The following NRXN3 variants were observed in gnomAD, a reference collection of about 807,000 sequenced individuals.
NRXN3 encodes neurexin III.
Under a neutral mutation model 137.6 loss-of-function variants are expected in NRXN3, and 32 were observed. The ratio of observed to expected loss-of-function variants is 0.23; its 90% CI spans 0.18 to 0.31. The LOEUF (loss-of-function observed/expected upper bound fraction) is 0.31. Among genes scored for constraint, NRXN3 ranks in the 10% least tolerant of loss-of-function variants. The probability of loss-of-function intolerance (pLI) is 1.00; values close to 1 mark genes in which losing one functional copy is unlikely to be tolerated. For synonymous variants in NRXN3, 798 were observed against 784.5 expected (o/e 1.02, Z -0.29); for missense variants, 1,574 against 2,062.5 (o/e 0.76, Z 4.59).
chr14:78,288,460 G>A (rs1028256), intron 3 of NRXN3, among the ~76,000 whole-genome samples: 2,561 of 152,278 alleles, frequency 0.017, 39 homozygotes, highest in Middle Eastern at 0.031. Context: ...GACTTGTGCA[G>A]TTGGTTTATT....
At position 79,805,195 on chromosome 14, in the gene NRXN3, G is replaced by A. The variant is rs140280209; in HGVS notation, c.4093+5G>A. 21 of 1,612,070 alleles carry A rather than the reference G, an allele frequency of 1.3e-5. No individual in the cohort carries two copies. Among genetic ancestry groups the A allele is most frequent in the Non-Finnish European group, 1.5e-5 (18 of 1,178,592 alleles). On this transcript the variant is annotated splice_donor_5th_base_variant and intron_variant, in intron 20 of 20. Transcript: ENST00000335750. ...TTGAATGTGAGCCGAGTACAGGTAG[G>A]TCAGGTCAGTCTTATTTTGCTTGCT...
chr14:79,743,451 C>T (rs969166107), intron 19 of NRXN3, among the ~76,000 whole-genome samples: 2 of 152,196 alleles, frequency 1.3e-5, no homozygotes, highest in African/African-American at 2.4e-5. Flanking sequence ...AATAACTTCT[C>T]AAGTGACTGT....
At chr14:78,613,742 G>GGGACAGAAGTACCCCAAGGAA (rs2097322021) in intron 4 of NRXN3, among the ~76,000 whole-genome samples, 1 of 151,850 alleles carries the variant, frequency 6.6e-6, no homozygotes, top group African/African-American at 2.4e-5. Context: ...AAATAAAGCC[G>GGGACAGAAGTACCCCAAGGAA]GGACAGAAGT....
rs562643725 is a variant in NRXN3 at position 78,541,622 on chromosome 14, C to T, written c.758-103498C>T. Among the ~76,000 whole-genome samples the T allele has an allele frequency of 5.3e-5, 8 of 152,298 alleles. No homozygotes were observed. The East Asian group carries it at 1.5e-3, about 29-fold the overall frequency. ...CTTCTGAAGCCTACTTCTGTCAACT[C>T]GTCAAAGTCATTCTCCATCCAGCTT... On this transcript the variant is annotated intron_variant, in intron 4 of 20. Transcript: ENST00000335750.
At chr14:78,367,856 AACAAAGCTG>A (rs1328009187) in intron 4 of NRXN3, among the ~76,000 whole-genome samples, 1 of 152,212 alleles carries the variant, frequency 6.6e-6, no homozygotes, top group Non-Finnish European at 1.5e-5. Flanking sequence ...TGATAATGTA[AACAAAGCTG>A]TGGGAGAAAG....
chr14:78,317,642 C>T (rs1257001613), intron 4 of NRXN3, among the ~76,000 whole-genome samples: 3 of 152,120 alleles, frequency 2.0e-5, no homozygotes, highest in Non-Finnish European at 2.9e-5. Context: ...TTGGGGAGGG[C>T]AATTTGCTTC....
At chr14:79,616,863 A>G (rs2098162115) in intron 16 of NRXN3, among the ~76,000 whole-genome samples, 1 of 152,202 alleles carries the variant, frequency 6.6e-6, no homozygotes, top group South Asian at 2.1e-4. Context: ...AGTAAAGTCT[A>G]GAGAAATTGG....
chr14:78,882,225 G>A (rs987791503), intron 10 of NRXN3, among the ~76,000 whole-genome samples: 4 of 151,830 alleles, frequency 2.6e-5, no homozygotes, highest in African/African-American at 9.7e-5. Context: ...CTAGGGCAGT[G>A]CAGAAGGGAA....
rs2061235278 is a variant in NRXN3, at chr14:79,165,839, A to G, written c.3262+177698A>G. On this transcript the variant is annotated intron_variant, in intron 15 of 20. Transcript: ENST00000335750. ...CCTTCCCTCCTGACCATAACTGGTT[A>G]TATAATCTTGCATCTTCTATTACCC... is the stretch of plus-strand genomic sequence containing the variant. Among the ~76,000 whole-genome samples, 3 of 152,144 alleles carry G rather than the reference A, an allele frequency of 2.0e-5. No homozygotes were observed. In the South Asian group the frequency reaches 6.2e-4, roughly 32 times the overall value.
At position 78,230,328 on chromosome 14, in the gene NRXN3, G is replaced by GTCTC. The variant is rs112795410; in HGVS notation, c.-703-12043_-703-12040dup. Among the ~76,000 whole-genome samples, 908 of 148,812 alleles carry GTCTC rather than the reference G, an allele frequency of 6.1e-3. 14 individuals carry two copies. Among genetic ancestry groups the GTCTC allele is most frequent in the African/African-American group, 0.02 (818 of 40,552 alleles). ...TCTGTCTCTGTCTCTGTCTCTGTCT[G>GTCTC]TCTCTCTCTCTCTCTCTCTCTCTGG... On this transcript the variant is annotated intron_variant, in intron 1 of 20. Coordinates refer to ENST00000335750, the MANE Select transcript of NRXN3 (RefSeq NM_001330195.2).
intron 4 of NRXN3, among the ~76,000 whole-genome samples, chr14:78,535,631 G>C (rs1025431794): frequency 6.6e-6 from 1 of 152,188 alleles, no homozygotes; most frequent in African/African-American, 2.4e-5. Context: ...AGGAGGAAAA[G>C]ACTAAAAAGT....
intron 15 of NRXN3, among the ~76,000 whole-genome samples, chr14:79,334,234 GAAAAAAATAAAGTAGAATGAGGTGCTAT>G (rs1231217080): frequency 6.6e-6 from 1 of 152,082 alleles, no homozygotes; most frequent in Admixed American, 6.6e-5. Context: ...ATGGTGCTAT[GAAAAAAATAAAGTAGAATGAGGTGCTAT>G]AAAAAAATAA....
At chr14:79,259,471 G>A (rs887713052) in intron 15 of NRXN3, among the ~76,000 whole-genome samples, 20 of 151,300 alleles carry the variant, frequency 1.3e-4, no homozygotes, top group African/African-American at 4.4e-4. Context: ...TGCAGGGAAC[G>A]TCAACGTGGT....
chr14:78,290,222 C>T (rs2075666310), intron 3 of NRXN3, among the ~76,000 whole-genome samples: 1 of 152,188 alleles, frequency 6.6e-6, no homozygotes, highest in African/African-American at 2.4e-5. Flanking sequence ...CCAAAATTTA[C>T]ATTTAGCCCT....
chr14:79,536,244 T>A (rs1044833561), intron 16 of NRXN3, among the ~76,000 whole-genome samples: 2 of 152,028 alleles, frequency 1.3e-5, no homozygotes, highest in African/African-American at 4.8e-5. Flanking sequence ...GAAAGAGGAG[T>A]ACACAGAGCA....
chr14:79,564,036 G>C (rs1310801301), intron 16 of NRXN3, among the ~76,000 whole-genome samples: 1 of 152,008 alleles, frequency 6.6e-6, no homozygotes, highest in Non-Finnish European at 1.5e-5. Flanking sequence ...AGAGAAGTAT[G>C]GTCAGGTGAG....
At chr14:78,735,204 G>C (rs2098536094) in intron 8 of NRXN3, among the ~76,000 whole-genome samples, 1 of 152,162 alleles carries the variant, frequency 6.6e-6, no homozygotes, top group African/African-American at 2.4e-5. Context: ...TTAGTAAGAA[G>C]AGATTTTTAT....
intron 15 of NRXN3, among the ~76,000 whole-genome samples, chr14:79,015,316 C>T (rs193132700): frequency 1.2e-3 from 177 of 152,264 alleles, no homozygotes; most frequent in Middle Eastern, 0.01. Context: ...TTCTTACATC[C>T]AAGCCCTCCC....
At chr14:78,299,859 T>C (rs1441940162) in intron 4 of NRXN3, among the ~76,000 whole-genome samples, 2 of 152,184 alleles carry the variant, frequency 1.3e-5, no homozygotes, top group African/African-American at 4.8e-5. Context: ...AATTCCTCTT[T>C]TGAGAGGTTT....
Sources: gnomAD v4.1 joint callset for allele counts (sites outside exome capture counted in the v4.1 genomes callset) on GRCh38, gnomAD v4.1.1 for gene constraint, MANE v1.5 for transcripts, NCBI Gene and HGNC (gene_info 2026-07-23, HGNC 2026-07-21) for gene names.